ALDH6A1: variants seen among roughly 807,000 people sequenced by gnomAD.
ALDH6A1 encodes the protein methylmalonate-semialdehyde/malonate-semialdehyde dehydrogenase [acylating], mitochondrial.
A neutral mutation model predicts 62.6 loss-of-function variants in ALDH6A1; 43 were observed. The observed-to-expected ratio is 0.69, with a 90% CI of 0.54 to 0.89. The LOEUF (loss-of-function observed/expected upper bound fraction) is 0.89. Ranked by LOEUF, ALDH6A1 falls within the 40% of genes least tolerant of loss-of-function variation. ALDH6A1 has a pLI of 0.00. For missense variants in ALDH6A1, 551 were observed against 661.3 expected (o/e 0.83, Z 1.83); for synonymous variants, 194 against 234.2 (o/e 0.83, Z 1.57).
chr14:74,072,462 C>T, intron 3 of ALDH6A1, 75 bp downstream of exon 3: 1 of 1,613,156 alleles, frequency 6.2e-7, no homozygotes, highest in Non-Finnish European at 8.5e-7. Flanking sequence ...CAACAGACAC[C>T]CAGGTCCCTT....
At chr14:74,079,293 A>G (rs1006290093) in intron 1 of ALDH6A1, among the ~76,000 whole-genome samples, 7 of 150,196 alleles carry the variant, frequency 4.7e-5, no homozygotes, top group African/African-American at 7.5e-5. Context: ...CCTGCACTCA[A>G]TGGAGTACAA....
intron 1 of ALDH6A1, 37 bp downstream of exon 1, chr14:74,084,310 C>G: frequency 1.2e-6 from 2 of 1,613,560 alleles, no homozygotes; most frequent in Non-Finnish European, 1.7e-6. Context: ...GGATCCAATT[C>G]CTAGCTTCAT....
rs2060472135 is a variant in ALDH6A1, at chr14:74,066,704, C to T, written c.1224+1G>A. 1.9e-6 allele frequency: 3 copies of T among 1,613,756 alleles called. No individual in the cohort carries two copies. Among genetic ancestry groups the T allele is most frequent in the Non-Finnish European group, 2.5e-6 (3 of 1,179,832 alleles). On this transcript the variant is annotated splice_donor_variant, in intron 9 of 11. Coordinates refer to ENST00000553458, the MANE Select transcript of ALDH6A1 (RefSeq NM_005589.4). LOFTEE classifies it high-confidence loss of function. Reference sequence around the variant, plus strand: ...ATATTTGTGAAGTGAAAGTTGTTCACCTTGACATTCGAGATGATGGTTGGT... The same window carrying T: ...ATATTTGTGAAGTGAAAGTTGTTCATCTTGACATTCGAGATGATGGTTGGT...
chr14:74,077,180 T>C (rs4903176), intron 1 of ALDH6A1, among the ~76,000 whole-genome samples: 146,036 of 152,240 alleles, frequency 0.96, 70,112 homozygotes, highest in East Asian at 0.99. Context: ...CCAATACCAA[T>C]ATAGTACTCG....
intron 8 of ALDH6A1, among the ~76,000 whole-genome samples, 166 bp from the exon 9 acceptor site, chr14:74,067,052 CA>C (rs35483377): frequency 1.3e-5 from 2 of 151,998 alleles, no homozygotes; most frequent in Non-Finnish European, 2.9e-5. Context: ...TTCATATTTA[CA>C]AAAAATAAAA....
At position 74,065,199 on chromosome 14, in the gene ALDH6A1, G is replaced by C. The variant is rs2060440865; in HGVS notation, c.1386C>G (p.His462Gln). 1.2e-6 allele frequency: 2 copies of C among 1,614,014 alleles called. No individual in the cohort carries two copies. Among genetic ancestry groups the C allele is most frequent in the South Asian group, 2.2e-5 (2 of 91,088 alleles). ...TNGATARKYA[H>Q]LVDVGQVGVN... is the part of the protein sequence containing the mutation. The stretch of plus-strand genomic sequence containing the variant: ...CACGAACCTGTCCAACATCCACCAA[G>C]TGGGCATATTTCCGAGCAGTGGCTC... The change falls in exon 10 of 12, where the codon CAC becomes CAG. Residue 462 changes from histidine to glutamine, a missense_variant. Transcript: ENST00000553458.
intron 11 of ALDH6A1, among the ~76,000 whole-genome samples, chr14:74,062,700 A>G (rs1163370352): frequency 2.0e-5 from 3 of 152,320 alleles, no homozygotes; most frequent in African/African-American, 7.2e-5. Flanking sequence ...ATTTGGCCAC[A>G]CTGTCATAAT....
Position 74,060,565 on chromosome 14 carries a change from G to C in ALDH6A1, c.*77C>G. 3 of 1,079,990 alleles carry C rather than the reference G, an allele frequency of 2.8e-6. No individual in the cohort carries two copies. The highest frequency in any genetic ancestry group is 4.3e-6 in the Non-Finnish European group (3 of 693,286). The allele number at this position is 1,079,990 out of a possible 1,614,324, so 66.9% of individuals were successfully genotyped here. A position where few individuals can be genotyped will look rare whatever the true frequency, so the allele number is the denominator to read the frequency against. On this transcript the variant is annotated 3_prime_UTR_variant, in exon 12 of 12. Transcript: ENST00000553458. ...TTCCAATCCCATCGATCTGATCTGA[G>C]CAAAGCTGACAAATGAAGCTGGTCA...
Position 74,057,983 on chromosome 14 carries a change from C to T in ALDH6A1, c.*2659G>A. ...CATTTAATTCCACTTGGAATATAGA[C>T]AATAATGACCTTTTATTTAACCCAG... On this transcript the variant is annotated 3_prime_UTR_variant, in exon 12 of 12. Transcript: ENST00000553458. 3 of 813,322 alleles carry T rather than the reference C, an allele frequency of 3.7e-6. No individual in the cohort carries two copies. Among genetic ancestry groups the T allele is most frequent in the Non-Finnish European group, 4.5e-6 (3 of 671,412 alleles). The allele number at this position is 813,322 out of a possible 1,614,324, so 50.4% of individuals were successfully genotyped here. A position where few individuals can be genotyped will look rare whatever the true frequency, so the allele number is the denominator to read the frequency against.
At position 74,057,822 on chromosome 14, in the gene ALDH6A1, A is replaced by G; in HGVS notation, c.*2820T>C. ...AACTGATGAGTTTTTTTCATCTAAGAAATAAGAAACTCTGAGCAGCAAATA... is the reference window on the plus strand; with the variant it reads ...AACTGATGAGTTTTTTTCATCTAAGGAATAAGAAACTCTGAGCAGCAAATA... On this transcript the variant is annotated 3_prime_UTR_variant, in exon 12 of 12. Transcript: ENST00000553458. 1 of 1,034,470 alleles carries G rather than the reference A, an allele frequency of 9.7e-7. No homozygotes were observed. The highest frequency in any genetic ancestry group is 1.7e-5 in the African/African-American group (1 of 57,994). 64.1% of individuals were successfully genotyped at this position (1,034,470 alleles called of 1,614,324 possible). A position where few individuals can be genotyped will look rare whatever the true frequency, so the allele number is the denominator to read the frequency against.
At position 74,066,790 on chromosome 14, in the gene ALDH6A1, G is replaced by A. The variant is rs760147790; in HGVS notation, c.1139C>T (p.Ser380Phe). Residue 380 changes from serine to phenylalanine, a missense_variant, in exon 9 of 12, where the codon TCC becomes TTC. Coordinates refer to ENST00000553458, the MANE Select transcript of ALDH6A1 (RefSeq NM_005589.4). ...LIDSGTKEGA[S>F]ILLDGRKIKV... ...AATTTTTCGTCCATCAAGAAGGATG[G>A]AAGCTCCCTCCTTTGTTCCACTATC... 3.7e-6 allele frequency: 6 copies of A among 1,613,914 alleles called. No individual in the cohort carries two copies. The highest frequency in any genetic ancestry group is 3.3e-5 in the Admixed American group (2 of 59,966).
At chr14:74,071,534 T>C (rs1013882621) in intron 5 of ALDH6A1, 37 bp from the exon 6 acceptor site, 10 of 1,612,666 alleles carry the variant, frequency 6.2e-6, no homozygotes, top group Non-Finnish European at 5.9e-6. Context: ...CTCTCCACAC[T>C]GTGTACTAGT....
At position 74,057,160 on chromosome 14, in the gene ALDH6A1, C is replaced by T. The variant is rs776896070; in HGVS notation, c.*3482G>A. On this transcript the variant is annotated 3_prime_UTR_variant, in exon 12 of 12. Coordinates refer to ENST00000553458, the MANE Select transcript of ALDH6A1 (RefSeq NM_005589.4). ...TTATTGCAGGGATGAAAGTAAGCTT[C>T]AAGATAAAATCTTCATCACCCAGCA... The T allele has an allele frequency of 6.2e-7, 1 of 1,612,222 alleles. No individual in the cohort carries two copies.
chr14:74,069,259 A>ACATT, intron 6 of ALDH6A1: 3 of 364,194 alleles, frequency 8.2e-6, no homozygotes, highest in Non-Finnish European at 1.6e-5. Context: ...ACCCACCACC[A>ACATT]TGCCTGCCTA....
chr14:74,057,497 T>G lies in ALDH6A1; in HGVS notation c.*3145A>C. 1 of 1,395,516 alleles carries G rather than the reference T, an allele frequency of 7.2e-7. No individual in the cohort carries two copies. Among genetic ancestry groups the G allele is most frequent in the Non-Finnish European group, 9.3e-7 (1 of 1,073,236 alleles). 86.4% of individuals were successfully genotyped at this position (1,395,516 alleles called of 1,614,324 possible). A position where few individuals can be genotyped will look rare whatever the true frequency, so the allele number is the denominator to read the frequency against. On this transcript the variant is annotated 3_prime_UTR_variant, in exon 12 of 12. Transcript: ENST00000553458. Reference sequence around the variant, plus strand: ...TTTGTGTAGAAACCTATAGGTTGCCTTTTGAAGTAAACAGCCTAGCCAAAA... The same window carrying G: ...TTTGTGTAGAAACCTATAGGTTGCCGTTTGAAGTAAACAGCCTAGCCAAAA...
At chr14:74,080,901 AC>A (rs1476255804) in intron 1 of ALDH6A1, among the ~76,000 whole-genome samples, 2 of 152,240 alleles carry the variant, frequency 1.3e-5, no homozygotes, top group Non-Finnish European at 2.9e-5. Flanking sequence ...AGAAAACGCT[AC>A]ATAGTATCTT....
intron 2 of ALDH6A1, among the ~76,000 whole-genome samples, chr14:74,073,453 C>T (rs1230508108): frequency 1.3e-5 from 2 of 152,046 alleles, no homozygotes; most frequent in African/African-American, 4.8e-5. Context: ...TGTGATCTCT[C>T]TGAGAATGGG....
chr14:74,073,587 C>G (rs140423431), intron 2 of ALDH6A1, among the ~76,000 whole-genome samples: 1 of 152,242 alleles, frequency 6.6e-6, no homozygotes, highest in Non-Finnish European at 1.5e-5. Flanking sequence ...GCCCAGCTGA[C>G]TGTTACATTA....
In ALDH6A1 at chr14:74,084,373, C is replaced by CCGCCGCCAATAG; in HGVS notation, c.10_21dup (p.Leu4_Ala7dup). 2 of 1,613,064 alleles carry CCGCCGCCAATAG rather than the reference C, an allele frequency of 1.2e-6. No homozygotes were observed. Among genetic ancestry groups the CCGCCGCCAATAG allele is most frequent in the East Asian group, 2.2e-5 (1 of 44,862 alleles). ...TGCAGGATCCGGGCTCGCACTGCCG[C>CCGCCGCCAATAG]CGCCGCCAATAGCGCCGCCATGGCT... is the stretch of plus-strand genomic sequence containing the variant. On this transcript the variant is annotated inframe_insertion, in exon 1 of 12. Coordinates refer to ENST00000553458, the MANE Select transcript of ALDH6A1 (RefSeq NM_005589.4).
Sources: gnomAD v4.1 joint callset for allele counts (sites outside exome capture counted in the v4.1 genomes callset) on GRCh38, gnomAD v4.1.1 for gene constraint, MANE v1.5 for transcripts, NCBI Gene and HGNC (gene_info 2026-07-23, HGNC 2026-07-21) for gene names.